TANC2: variants seen among roughly 807,000 people sequenced by gnomAD.
The protein encoded by TANC2 is protein TANC2.
TANC2 carries 26 observed loss-of-function variants against 210.5 expected under a neutral mutation model. That is an observed-to-expected ratio of 0.12 (90% CI 0.09 to 0.17). The LOEUF (loss-of-function observed/expected upper bound fraction) is 0.17, where lower values mean the gene tolerates loss of function less well. Among genes scored for constraint, TANC2 ranks in the 10% least tolerant of loss-of-function variants. The pLI is 1.00. For synonymous variants in TANC2, 931 were observed against 967.1 expected (o/e 0.96, Z 0.69); for missense variants, 2,129 against 2,608.9 (o/e 0.82, Z 4.01).
Position 63,412,560 on chromosome 17 carries a change from G to A in TANC2, c.3899-120G>A. The A allele has an allele frequency of 1.1e-6, 1 of 947,522 alleles. No homozygotes were observed. Among genetic ancestry groups the A allele is most frequent in the Non-Finnish European group, 1.6e-6 (1 of 623,618 alleles). The allele number at this position is 947,522 out of a possible 1,614,324, so 58.7% of individuals were successfully genotyped here. ...ACAGACCTATAGACGAGGGTTGGCTGATATGCTGGCTTTGTGCTGCCTGCC... is the reference window on the plus strand; with the variant it reads ...ACAGACCTATAGACGAGGGTTGGCTAATATGCTGGCTTTGTGCTGCCTGCC... On this transcript the variant is annotated intron_variant, in intron 23 of 27. Coordinates refer to ENST00000689528, the Ensembl canonical transcript of TANC2. This position sits in a 1 kb window ranked among gnomAD's most constrained non-coding sequence, Gnocchi z 4.2.
chr17:63,066,180 C>T (rs1322139119), intron 2 of TANC2, among the ~76,000 whole-genome samples: 1 of 152,168 alleles, frequency 6.6e-6, no homozygotes, highest in Non-Finnish European at 1.5e-5. Context: ...GCTAGCCTGG[C>T]AAAGGGTGGG....
intron 5 of TANC2, among the ~76,000 whole-genome samples, chr17:63,183,070 AC>A (rs2040845786): frequency 2.1e-5 from 2 of 95,372 alleles, no homozygotes; most frequent in Non-Finnish European, 4.0e-5. Context: ...ACATAATAGG[AC>A]CTTTTTTTTA....
chr17:63,102,444 C>G (rs1038970302), intron 4 of TANC2, among the ~76,000 whole-genome samples: 27 of 150,494 alleles, frequency 1.8e-4, no homozygotes, highest in Non-Finnish European at 3.0e-5. Flanking sequence ...TTTATTCTCT[C>G]TCTATTGTTT....
chr17:63,354,791 C>G (rs942538107), exon 14 of TANC2: 2 of 1,561,230 alleles, frequency 1.3e-6, no homozygotes, highest in African/African-American at 2.8e-5. Flanking sequence ...AGGAAATTAC[C>G]AAGCTGCTGC....
chr17:63,274,344 A>G lies in TANC2; in HGVS notation c.1159+6471A>G, dbSNP rs143651888. ...GTCCAAAGCAACTTAACAGATTCCT[A>G]GCTGTCAACCATCCAAGAGCTTGAA... On this transcript the variant is annotated intron_variant, in intron 9 of 27. Transcript: ENST00000689528. 1.4e-3 allele frequency among the ~76,000 whole-genome samples: 214 copies of G among 152,262 alleles called. 1 individual carries two copies. The highest frequency in any genetic ancestry group is 3.7e-3 in the Admixed American group (56 of 15,284).
intron 13 of TANC2, among the ~76,000 whole-genome samples, chr17:63,351,667 A>C (rs2046614125): frequency 6.6e-6 from 1 of 152,172 alleles, no homozygotes; most frequent in Admixed American, 6.5e-5. Flanking sequence ...TAGCATGAAA[A>C]GAAAGTCAAT....
chr17:63,045,057 G>A (rs950492433), intron 2 of TANC2, among the ~76,000 whole-genome samples: 1 of 151,476 alleles, frequency 6.6e-6, no homozygotes, highest in Non-Finnish European at 1.5e-5. Context: ...CAATCATTCC[G>A]AAAAAAAATT....
chr17:63,232,443 G>A (rs2042502543), intron 7 of TANC2, among the ~76,000 whole-genome samples: 1 of 152,160 alleles, frequency 6.6e-6, no homozygotes, highest in South Asian at 2.1e-4. Context: ...GTTTTTGTGG[G>A]GACATTTTTT....
chr17:63,158,328 A>G lies in TANC2; in HGVS notation c.433+6948A>G, dbSNP rs567359727. Reference sequence around the variant, plus strand: ...ATAATTTACTTAGCACAATGCCTGGAACATCAGTTATTGCTAACAACATAT... The same window carrying G: ...ATAATTTACTTAGCACAATGCCTGGGACATCAGTTATTGCTAACAACATAT... On this transcript the variant is annotated intron_variant, in intron 5 of 27. Transcript: ENST00000689528. Among the ~76,000 whole-genome samples, 5 of 152,352 alleles carry G rather than the reference A, an allele frequency of 3.3e-5. No individual in the cohort carries two copies. The South Asian group carries it at 1.0e-3, about 32-fold the overall frequency.
intron 15 of TANC2, 121 bp from the exon 16 acceptor site, chr17:63,388,514 T>C: frequency 2.0e-6 from 2 of 1,010,494 alleles, no homozygotes; most frequent in Non-Finnish European, 2.8e-6. Flanking sequence ...GGCATGAACA[T>C]TGTTAGGGTG....
At chr17:63,351,389 A>G (rs763308074) in exon 13 of TANC2, 1 of 1,609,240 alleles carries the variant, frequency 6.2e-7, no homozygotes, top group South Asian at 1.1e-5. Flanking sequence ...GGCTCAAACT[A>G]ATTGTAACAG....
chr17:63,017,674 T>C (rs1429347055), intron 2 of TANC2, among the ~76,000 whole-genome samples: 1 of 152,232 alleles, frequency 6.6e-6, no homozygotes, highest in Non-Finnish European at 1.5e-5. Flanking sequence ...AGGTTTTCTG[T>C]TCAGACTAGA....
chr17:63,312,964 C>A (rs1191012104), intron 9 of TANC2, among the ~76,000 whole-genome samples: 1 of 152,120 alleles, frequency 6.6e-6, no homozygotes, highest in African/African-American at 2.4e-5. Flanking sequence ...ATTCTAGTGG[C>A]TTTCAGGCAG....
intron 8 of TANC2, among the ~76,000 whole-genome samples, chr17:63,259,459 T>C (rs2043294853): frequency 6.6e-6 from 1 of 152,200 alleles, no homozygotes; most frequent in Non-Finnish European, 1.5e-5. Flanking sequence ...CAGTTTGGTG[T>C]TCCTGCAGGG....
intron 5 of TANC2, among the ~76,000 whole-genome samples, chr17:63,172,603 A>G (rs2040442228): frequency 1.3e-5 from 2 of 152,226 alleles, no homozygotes; most frequent in African/African-American, 4.8e-5. Flanking sequence ...AAATAATTTA[A>G]TACATCATCT....
chr17:63,236,805 A>G (rs578011535), intron 7 of TANC2, among the ~76,000 whole-genome samples: 1 of 152,246 alleles, frequency 6.6e-6, no homozygotes, highest in South Asian at 2.1e-4. Context: ...AGTTCCATCC[A>G]TGTTGCTGCA....
chr17:63,171,081 CTTTTT>C (rs578140711), intron 5 of TANC2, among the ~76,000 whole-genome samples: 2 of 98,078 alleles, frequency 2.0e-5, no homozygotes, highest in African/African-American at 4.6e-5. Context: ...GTATTTCTTT[CTTTTT>C]TTTTTTTTTT....
chr17:63,013,104 G>A (rs764384130), intron 2 of TANC2, among the ~76,000 whole-genome samples: 8 of 149,064 alleles, frequency 5.4e-5, no homozygotes, highest in Non-Finnish European at 8.9e-5. Flanking sequence ...TTTGTTTTCC[G>A]GGTTGAAGTG....
intron 2 of TANC2, among the ~76,000 whole-genome samples, chr17:63,039,765 C>CAA (rs2035110677): frequency 1.3e-5 from 2 of 152,124 alleles, no homozygotes; most frequent in South Asian, 4.1e-4. Context: ...TTGATTCTGG[C>CAA]CAGTAAGGAT....
Sources: gnomAD v4.1 joint callset for allele counts (sites outside exome capture counted in the v4.1 genomes callset) on GRCh38, gnomAD v4.1.1 for gene constraint, Gnocchi (gnomAD v3.1) non-coding constraint, MANE v1.5 for transcripts, NCBI Gene and HGNC (gene_info 2026-07-23, HGNC 2026-07-21) for gene names.